The following ESPN variants were observed in gnomAD, a reference collection of about 807,000 sequenced individuals.
ESPN encodes espin.
In ESPN, 68 loss-of-function variants were observed where a neutral mutation model predicts 77.7. The ratio of observed to expected loss-of-function variants is 0.87; its 90% CI spans 0.72 to 1.07. ESPN has a LOEUF of 1.07. ESPN is among the 50% of genes least tolerant of loss of function. The pLI is 0.00. For synonymous variants in ESPN, 449 were observed against 567.1 expected (o/e 0.79, Z 2.96); for missense variants, 1,060 against 1,239.0 (o/e 0.86, Z 2.17).
In ESPN at chr1:6,452,043, A is replaced by G; in HGVS notation, c.2272A>G (p.Met758Val). ...CATCCCCGAGTGGAAGCGCCAGGTG[A>G]TGGTGCGCAAGATGCAGCTGAAGAT... ...RPIPEWKRQV[M>V]VRKMQLKMQE... The change falls in exon 10 of 13, where the codon ATG (methionine) becomes GTG (valine). Residue 758 changes from methionine to valine, a missense_variant. Physicochemically the swap from Met to Val is conservative, Grantham distance 21 (BLOSUM62 1). Around this residue, in one of 3 missense-constraint regions of ESPN, gnomAD observed 374 missense variants for 381.4 expected, o/e 0.98. Transcript: ENST00000645284. 6.3e-7 allele frequency: 1 copy of G among 1,579,606 alleles called. No homozygotes were observed. The highest frequency in any genetic ancestry group is 8.6e-7 in the Non-Finnish European group (1 of 1,161,858).
rs1276698229 is a variant in ESPN, at chr1:6,450,863, T to G, written c.1916-740T>G. Among the ~76,000 whole-genome samples the G allele has an allele frequency of 6.6e-6, 1 of 151,934 alleles. No homozygotes were observed. Among genetic ancestry groups the G allele is most frequent in the Non-Finnish European group, 1.5e-5 (1 of 67,972 alleles). On this transcript the variant is annotated intron_variant, in intron 8 of 12. Coordinates refer to ENST00000645284, the MANE Select transcript of ESPN (RefSeq NM_031475.3). The surrounding 1 kb of genome is among the most constrained non-coding windows in gnomAD (Gnocchi z 4.3). Reference sequence around the variant, plus strand: ...CCTTCATCGGGGCTCAAGAGACCTCTCTCTCCAAATCTCCATTTGCCTCCT... The same window carrying G: ...CCTTCATCGGGGCTCAAGAGACCTCGCTCTCCAAATCTCCATTTGCCTCCT...
chr1:6,459,919 T>A, intron 12 of ESPN, 80 bp from the exon 13 acceptor site: 1 of 1,585,006 alleles, frequency 6.3e-7, no homozygotes, highest in Non-Finnish European at 8.6e-7. Context: ...CTCTGCCTGG[T>A]GCCTGGCCCC....
chr1:6,452,829 G>A (rs1444094615), intron 10 of ESPN, among the ~76,000 whole-genome samples: 1 of 152,220 alleles, frequency 6.6e-6, no homozygotes, highest in Non-Finnish European at 1.5e-5. Context: ...GGGCTGATCA[G>A]CACCAGCTGG....
chr1:6,459,922 C>T, intron 12 of ESPN, 77 bp from the exon 13 acceptor site: 4 of 1,591,722 alleles, frequency 2.5e-6, no homozygotes, highest in Non-Finnish European at 2.6e-6. Context: ...TGCCTGGTGC[C>T]TGGCCCCACC....
rs1205671963 is a variant in ESPN, at chr1:6,428,662, C to T, written c.488+243C>T. ...CAGGTGCTCCCAGCATCCTCAGCTG[C>T]CCGGCCGCACACAGCTGGACCTGGG... On this transcript the variant is annotated intron_variant, in intron 2 of 12. Coordinates refer to ENST00000645284, the MANE Select transcript of ESPN (RefSeq NM_031475.3). The surrounding 1 kb of genome is among the most constrained non-coding windows in gnomAD (Gnocchi z 5.4). 6.6e-6 allele frequency among the ~76,000 whole-genome samples: 1 copy of T among 152,210 alleles called. No homozygotes were observed. Among genetic ancestry groups the T allele is most frequent in the Non-Finnish European group, 1.5e-5 (1 of 68,028 alleles).
rs2148503720 is a variant in ESPN at position 6,428,893 on chromosome 1, C to T, written c.488+474C>T. Among the ~76,000 whole-genome samples, 1 of 152,320 alleles carries T rather than the reference C, an allele frequency of 6.6e-6. No homozygotes were observed. The highest frequency in any genetic ancestry group is 2.4e-5 in the African/African-American group (1 of 41,568). The stretch of plus-strand genomic sequence containing the variant: ...AAGCAGTTAAGGGAGAAAGGCCCCT[C>T]CCAGACCCCCACCCCACCTCCTGGC... On this transcript the variant is annotated intron_variant, in intron 2 of 12. Coordinates refer to ENST00000645284, the MANE Select transcript of ESPN (RefSeq NM_031475.3). This position sits in a 1 kb window ranked among gnomAD's most constrained non-coding sequence, Gnocchi z 5.4.
rs567956452 is a variant in ESPN at position 6,459,547 on chromosome 1, T to C, written c.2418-452T>C. On this transcript the variant is annotated intron_variant, in intron 12 of 12. Transcript: ENST00000645284. Reference sequence around the variant, plus strand: ...TCTGTCAACAGGCAGATCTACCCTCTATGTTCTAATAACTTGTCTCTAATT... The same window carrying C: ...TCTGTCAACAGGCAGATCTACCCTCCATGTTCTAATAACTTGTCTCTAATT... Among the ~76,000 whole-genome samples, 15 of 152,342 alleles carry C rather than the reference T, an allele frequency of 9.8e-5. No homozygotes were observed. The South Asian group carries it at 2.3e-3, about 23-fold the overall frequency.
chr1:6,442,226 C>A (rs1259276827), intron 5 of ESPN, among the ~76,000 whole-genome samples: 2 of 152,152 alleles, frequency 1.3e-5, no homozygotes, highest in Admixed American at 1.3e-4. Context: ...TAGGCAGGCA[C>A]CCTGCCGAGT....
intron 10 of ESPN, chr1:6,455,797 T>C (rs1644044766): frequency 5.0e-6 from 2 of 398,422 alleles, no homozygotes; most frequent in Non-Finnish European, 8.9e-6. Flanking sequence ...CTGGAGGAGG[T>C]GGAGGCCGGC....
At chr1:6,434,394 G>T (rs1643358216) in intron 2 of ESPN, among the ~76,000 whole-genome samples, 1 of 152,200 alleles carries the variant, frequency 6.6e-6, no homozygotes, top group African/African-American at 2.4e-5. Flanking sequence ...GACTAATGAG[G>T]CCAGGGGCTT....
intron 4 of ESPN, 51 bp from the exon 5 acceptor site, chr1:6,440,883 G>T (rs1026337232): frequency 6.5e-7 from 1 of 1,536,570 alleles, no homozygotes; most frequent in Non-Finnish European, 8.7e-7. Flanking sequence ...GCCCGGGCGC[G>T]GGGGTCCCAG....
Position 6,433,189 on chromosome 1 carries a change from A to G in ESPN, c.488+4770A>G, listed in dbSNP as rs188566340. Reference sequence around the variant, plus strand: ...GTCTGGTGCAGTGGCTCATGCCTGTAATCCCAGCACTTTGGGAAGCTGAGG... The same window carrying G: ...GTCTGGTGCAGTGGCTCATGCCTGTGATCCCAGCACTTTGGGAAGCTGAGG... On this transcript the variant is annotated intron_variant, in intron 2 of 12. Transcript: ENST00000645284. Among the ~76,000 whole-genome samples, 230 of 152,028 alleles carry G rather than the reference A, an allele frequency of 1.5e-3. 1 individual carries two copies. Among genetic ancestry groups the G allele is most frequent in the African/African-American group, 5.4e-3 (224 of 41,442 alleles).
intron 5 of ESPN, among the ~76,000 whole-genome samples, chr1:6,442,867 C>CA (rs35404098): frequency 0.022 from 1,111 of 50,754 alleles, 27 homozygotes; most frequent in African/African-American, 0.065. Context: ...GACGCTGTCT[C>CA]AAAAAAAAAA....
chr1:6,429,936 G>A (rs1172455111), intron 2 of ESPN: 2 of 153,974 alleles, frequency 1.3e-5, no homozygotes, highest in Non-Finnish European at 2.9e-5. Flanking sequence ...CAGAGGGCTT[G>A]GGCTCCGTTC....
intron 7 of ESPN, chr1:6,448,258 C>A (rs1231951172): frequency 5.9e-6 from 1 of 168,898 alleles, no homozygotes; most frequent in Non-Finnish European, 1.3e-5. Context: ...CGCAGTCCTT[C>A]TGACAGCCGA....
At chr1:6,452,177 A>G in intron 10 of ESPN, 81 bp downstream of exon 10, 1 of 1,400,560 alleles carries the variant, frequency 7.1e-7, no homozygotes, top group Non-Finnish European at 9.4e-7. Flanking sequence ...CCCCAACCCC[A>G]ACCTCGGGAC....
At chr1:6,442,867 CAA>C (rs35404098) in intron 5 of ESPN, among the ~76,000 whole-genome samples, 904 of 51,160 alleles carry the variant, frequency 0.018, 15 homozygotes, top group African/African-American at 0.063. Context: ...GACGCTGTCT[CAA>C]AAAAAAAAAA....
chr1:6,436,482 C>CTTTT (rs1643441436), intron 2 of ESPN, among the ~76,000 whole-genome samples: 1 of 145,078 alleles, frequency 6.9e-6, no homozygotes, highest in Non-Finnish European at 1.5e-5. Context: ...GGAATTTTTT[C>CTTTT]TTATTTATTT....
intron 5 of ESPN, among the ~76,000 whole-genome samples, chr1:6,441,414 C>A (rs116810791): frequency 0.017 from 2,613 of 152,250 alleles, 58 homozygotes; most frequent in African/African-American, 0.059. Flanking sequence ...GTTTAAGTGT[C>A]CCGTTCCACA....
Sources: allele counts gnomAD v4.1 joint callset (sites outside exome capture counted in the v4.1 genomes callset), GRCh38; gene constraint gnomAD v4.1.1; regional missense constraint gnomAD v4.1.1; non-coding constraint Gnocchi (gnomAD v3.1); transcripts MANE v1.5; gene names NCBI Gene and HGNC (gene_info 2026-07-23, HGNC 2026-07-21).